NRG3: variants seen among roughly 807,000 people sequenced by gnomAD.
NRG3 encodes the protein pro-neuregulin-3, membrane-bound isoform.
In NRG3, 31 loss-of-function variants were observed where a neutral mutation model predicts 66.9. That is an observed-to-expected ratio of 0.46 (90% CI 0.35 to 0.63). NRG3 has a LOEUF of 0.63. Ranked by LOEUF, NRG3 falls within the 20% of genes least tolerant of loss-of-function variation. NRG3 has a pLI of 0.00. For synonymous variants in NRG3, 393 were observed against 359.4 expected, an observed-to-expected ratio of 1.09 and a Z score of -1.06; for missense variants, 910 against 878.9, an observed-to-expected ratio of 1.04 and a Z score of -0.45.
At chr10:81,877,848 G>T in intron 1 of NRG3, 1 of 1,477,000 alleles carries the variant, frequency 6.8e-7, no homozygotes, top group Non-Finnish European at 8.9e-7. Context: ...GTGTTTTGTA[G>T]AAGGATAAAG....
intron 1 of NRG3, among the ~76,000 whole-genome samples, chr10:81,973,114 CTA>C (rs2059990570): frequency 6.6e-6 from 1 of 152,182 alleles, no homozygotes; most frequent in East Asian, 1.9e-4. Context: ...TTGTTCCCCT[CTA>C]TGTGTCTATC....
At chr10:82,004,028 C>CACACACAT (rs1444609157) in intron 1 of NRG3, among the ~76,000 whole-genome samples, 53 of 145,742 alleles carry the variant, frequency 3.6e-4, no homozygotes, top group African/African-American at 1.0e-3. Flanking sequence ...CACACACACA[C>CACACACAT]ACACACAGAT....
At chr10:82,905,252 T>G (rs1208446874) in intron 4 of NRG3, among the ~76,000 whole-genome samples, 1 of 152,210 alleles carries the variant, frequency 6.6e-6, no homozygotes, top group Non-Finnish European at 1.5e-5. Flanking sequence ...ACACTGGCCT[T>G]GTATTTTCTC....
At chr10:82,568,834 A>G (rs2045568099) in intron 2 of NRG3, among the ~76,000 whole-genome samples, 1 of 151,730 alleles carries the variant, frequency 6.6e-6, no homozygotes, top group African/African-American at 2.4e-5. Flanking sequence ...TATATGTTAT[A>G]CTGCTTCACT....
intron 1 of NRG3, among the ~76,000 whole-genome samples, chr10:82,219,639 T>C (rs1459714588): frequency 1.3e-5 from 2 of 152,140 alleles, no homozygotes; most frequent in Non-Finnish European, 2.9e-5. Context: ...TCACTTGTCT[T>C]AATATTAGTT....
intron 4 of NRG3, among the ~76,000 whole-genome samples, chr10:82,866,809 T>C (rs1564582724): frequency 6.6e-6 from 1 of 152,168 alleles, no homozygotes; most frequent in Non-Finnish European, 1.5e-5. Context: ...GGAGGAGTTA[T>C]AGGAGATGAC....
chr10:82,754,756 G>T (rs766653942), intron 3 of NRG3, among the ~76,000 whole-genome samples: 1 of 151,930 alleles, frequency 6.6e-6, no homozygotes, highest in African/African-American at 2.4e-5. Flanking sequence ...CTATTCTGTG[G>T]GGTGTTTCAT....
chr10:82,370,731 C>T (rs1362628425), intron 2 of NRG3, among the ~76,000 whole-genome samples: 1 of 152,042 alleles, frequency 6.6e-6, no homozygotes. Flanking sequence ...ATTTCGTTAC[C>T]TATGTACCTA....
intron 1 of NRG3, among the ~76,000 whole-genome samples, chr10:82,011,718 A>T (rs1357621867): frequency 6.6e-6 from 1 of 152,186 alleles, no homozygotes; most frequent in Non-Finnish European, 1.5e-5. Context: ...TGCAAGTCTG[A>T]AATCCAGCGG....
At chr10:82,442,595 G>A (rs2090487007) in intron 2 of NRG3, among the ~76,000 whole-genome samples, 1 of 152,110 alleles carries the variant, frequency 6.6e-6, no homozygotes, top group Non-Finnish European at 1.5e-5. Flanking sequence ...GGAATTGGGA[G>A]ATGGTGCAGC....
At chr10:82,411,310 A>G (rs984885506) in intron 2 of NRG3, among the ~76,000 whole-genome samples, 2 of 152,170 alleles carry the variant, frequency 1.3e-5, no homozygotes, top group African/African-American at 4.8e-5. Context: ...GAAAGATAGG[A>G]CAGGTGGAAG....
At chr10:82,651,591 C>T (rs1187304547) in intron 2 of NRG3, among the ~76,000 whole-genome samples, 1 of 152,174 alleles carries the variant, frequency 6.6e-6, no homozygotes, top group Non-Finnish European at 1.5e-5. Context: ...CGAGTTTAGG[C>T]CTTTAGCCAG....
chr10:82,108,538 T>C (rs1482241305), intron 1 of NRG3, among the ~76,000 whole-genome samples: 1 of 152,166 alleles, frequency 6.6e-6, no homozygotes. Context: ...GCTAATTAAA[T>C]TGACCTTCCT....
At chr10:82,764,260 C>T (rs1013813992) in intron 3 of NRG3, among the ~76,000 whole-genome samples, 9 of 152,024 alleles carry the variant, frequency 5.9e-5, no homozygotes, top group Admixed American at 3.3e-4. Context: ...GTCTCGAACT[C>T]GTAGCCTCAA....
intron 1 of NRG3, among the ~76,000 whole-genome samples, chr10:82,212,483 T>G (rs2075446603): frequency 6.6e-6 from 1 of 152,216 alleles, no homozygotes; most frequent in Admixed American, 6.5e-5. Context: ...GTTAACTGTT[T>G]ATGTGATTTT....
At chr10:82,390,748 A>G (rs1430943224) in intron 2 of NRG3, among the ~76,000 whole-genome samples, 1 of 152,214 alleles carries the variant, frequency 6.6e-6, no homozygotes, top group Non-Finnish European at 1.5e-5. Context: ...TCTGCAGAAG[A>G]GGACTGGTAA....
At chr10:82,676,939 A>G (rs1210406871) in intron 2 of NRG3, among the ~76,000 whole-genome samples, 2 of 151,340 alleles carry the variant, frequency 1.3e-5, no homozygotes, top group African/African-American at 4.9e-5. Flanking sequence ...CAGACCTCTT[A>G]GTTTTCTTAG....
intron 1 of NRG3, among the ~76,000 whole-genome samples, chr10:82,127,702 A>G (rs1564588032): frequency 6.6e-6 from 1 of 151,814 alleles, no homozygotes; most frequent in Non-Finnish European, 1.5e-5. Context: ...TATCCTAGCC[A>G]CCTGTCTCCA....
chr10:82,058,664 C>T (rs933881016), intron 1 of NRG3, among the ~76,000 whole-genome samples: 12 of 151,760 alleles, frequency 7.9e-5, no homozygotes, highest in Non-Finnish European at 1.8e-4. Context: ...TTCCCTTCTC[C>T]TTCCTTTAGT....
Sources: allele counts gnomAD v4.1 joint callset (sites outside exome capture counted in the v4.1 genomes callset), GRCh38; gene constraint gnomAD v4.1.1; transcripts MANE v1.5; gene names NCBI Gene and HGNC (gene_info 2026-07-23, HGNC 2026-07-21).